The following ADAM32 variants were observed in gnomAD, a reference collection of about 807,000 sequenced individuals.
ADAM32 encodes disintegrin and metalloproteinase domain-containing protein 32.
ADAM32 carries 89 observed loss-of-function variants against 114.9 expected under a neutral mutation model. That is an observed-to-expected ratio of 0.77 (90% CI 0.65 to 0.92). ADAM32 has a LOEUF of 0.92. ADAM32 is among the 40% of genes least tolerant of loss of function. ADAM32 has a pLI of 0.00. For missense variants in ADAM32, 870 were observed against 932.8 expected (o/e 0.93, Z 0.88); for synonymous variants, 285 against 307.5 (o/e 0.93, Z 0.77).
chr8:39,220,964 TC>T (rs141055306), intron 12 of ADAM32: 13,037 of 148,570 alleles, frequency 0.088, 1,828 homozygotes, highest in African/African-American at 0.29. Context: ...GTTGATTTTT[TC>T]TTTTTTGGTC....
At chr8:39,281,573 C>T (rs867886651) in intron 23 of ADAM32, among the ~76,000 whole-genome samples, 21 of 152,128 alleles carry the variant, frequency 1.4e-4, no homozygotes, top group African/African-American at 4.8e-4. Flanking sequence ...AACAACTGAG[C>T]GAATGATTAT....
intron 10 of ADAM32, among the ~76,000 whole-genome samples, chr8:39,181,167 C>T (rs972345726): frequency 1.3e-5 from 2 of 152,208 alleles, no homozygotes; most frequent in African/African-American, 4.8e-5. Flanking sequence ...TTTGTTCTTT[C>T]ACTCTTTGCA....
intron 19 of ADAM32, among the ~76,000 whole-genome samples, chr8:39,265,509 G>C (rs1005450467): frequency 1.3e-5 from 2 of 152,102 alleles, no homozygotes; most frequent in Non-Finnish European, 2.9e-5. Context: ...CGTTAATATT[G>C]TTATGTGCAG....
At chr8:39,227,942 C>T (rs1294983602) in intron 14 of ADAM32, among the ~76,000 whole-genome samples, 1 of 152,178 alleles carries the variant, frequency 6.6e-6, no homozygotes, top group Admixed American at 6.5e-5. Context: ...CCTCCGCTGC[C>T]TCCACCAGAA....
intron 5 of ADAM32, 93 bp downstream of exon 5, chr8:39,149,960 G>A (rs1229400022): frequency 1.0e-6 from 1 of 953,952 alleles, no homozygotes; most frequent in African/African-American, 1.7e-5. Flanking sequence ...GGTTGAAGGA[G>A]CTTTCCTATG....
intron 11 of ADAM32, among the ~76,000 whole-genome samples, chr8:39,206,489 A>G (rs987719202): frequency 1.3e-5 from 2 of 152,176 alleles, no homozygotes; most frequent in South Asian, 2.1e-4. Flanking sequence ...CCAGGACAGC[A>G]TGTTATCAGG....
At chr8:39,281,200 A>G (rs1322391969) in intron 23 of ADAM32, 26 bp downstream of exon 23, 1 of 1,289,060 alleles carries the variant, frequency 7.8e-7, no homozygotes, top group Non-Finnish European at 1.0e-6. Context: ...AGTGTTACTT[A>G]TAAATAAGTA....
intron 11 of ADAM32, among the ~76,000 whole-genome samples, chr8:39,197,705 AT>A (rs1441873546): frequency 2.6e-5 from 4 of 152,172 alleles, no homozygotes; most frequent in African/African-American, 7.2e-5. Flanking sequence ...GTGTTTTAAA[AT>A]TAATTGAGAC....
chr8:39,253,661 CA>C (rs1302392492), intron 17 of ADAM32, among the ~76,000 whole-genome samples: 1 of 151,378 alleles, frequency 6.6e-6, no homozygotes, highest in African/African-American at 2.4e-5. Context: ...TAAACAATCC[CA>C]TTTACAACAG....
intron 10 of ADAM32, among the ~76,000 whole-genome samples, chr8:39,172,650 G>C (rs1470056235): frequency 1.3e-5 from 2 of 152,130 alleles, no homozygotes; most frequent in Non-Finnish European, 2.9e-5. Context: ...TCCCTGCAAA[G>C]TCTTTCCTTT....
intron 12 of ADAM32, among the ~76,000 whole-genome samples, chr8:39,217,119 T>TA (rs1202935538): frequency 1.9e-3 from 237 of 124,040 alleles, no homozygotes; most frequent in Middle Eastern, 0.015. Context: ...ATATATATAT[T>TA]TTTTTACCAG....
chr8:39,238,779 C>T (rs955943114), intron 16 of ADAM32, among the ~76,000 whole-genome samples: 1 of 151,948 alleles, frequency 6.6e-6, no homozygotes, highest in East Asian at 1.9e-4. Flanking sequence ...ATGCAAAATA[C>T]ACTGGAAAGT....
At chr8:39,192,084 AG>A (rs1806650662) in intron 11 of ADAM32, among the ~76,000 whole-genome samples, 1 of 152,294 alleles carries the variant, frequency 6.6e-6, no homozygotes, top group African/African-American at 2.4e-5. Context: ...TGGTCCGTTC[AG>A]GGATTTAATT....
At chr8:39,179,831 G>T (rs1805740701) in intron 10 of ADAM32, among the ~76,000 whole-genome samples, 1 of 152,196 alleles carries the variant, frequency 6.6e-6, no homozygotes, top group African/African-American at 2.4e-5. Flanking sequence ...GAATTTGCTT[G>T]CCGTTTTCAT....
chr8:39,137,152 A>G (rs1802854012), intron 3 of ADAM32, among the ~76,000 whole-genome samples: 1 of 152,252 alleles, frequency 6.6e-6, no homozygotes, highest in East Asian at 1.9e-4. Context: ...AGTCCTAGCT[A>G]TATGCCACTC....
chr8:39,165,010 T>C lies in ADAM32; in HGVS notation c.667-20T>C, dbSNP rs766389395. The C allele has an allele frequency of 6.4e-7, 1 of 1,571,376 alleles. No homozygotes were observed. The highest frequency in any genetic ancestry group is 8.6e-7 in the Non-Finnish European group (1 of 1,157,498). ...AACATAAATATTAATTATGCATGTA[T>C]TTATCTCTTCTGTTTTTAGATGTTC... On this transcript the variant is annotated intron_variant, in intron 8 of 24. Coordinates refer to ENST00000379907, the MANE Select transcript of ADAM32 (RefSeq NM_145004.7).
In ADAM32 at chr8:39,274,292, T is replaced by C; in HGVS notation, c.2202-20T>C. On this transcript the variant is annotated intron_variant, in intron 20 of 24. Coordinates refer to ENST00000379907, the MANE Select transcript of ADAM32 (RefSeq NM_145004.7). ...TTTTCTTAGTACTAACTTGAGACATTGCTTTCAATTTTTTTTTAGATCCAG... is the reference window on the plus strand; with the variant it reads ...TTTTCTTAGTACTAACTTGAGACATCGCTTTCAATTTTTTTTTAGATCCAG... 2 of 1,613,110 alleles carry C rather than the reference T, an allele frequency of 1.2e-6. No homozygotes were observed. Among genetic ancestry groups the C allele is most frequent in the Middle Eastern group, 3.3e-4 (2 of 6,056 alleles).
In ADAM32 at chr8:39,216,947, T is replaced by C. The variant is rs1335940507; in HGVS notation, c.1234-4663T>C. Among the ~76,000 whole-genome samples the C allele has an allele frequency of 2.6e-5, 4 of 152,126 alleles. No homozygotes were observed. In the East Asian group the frequency reaches 7.7e-4, roughly 29 times the overall value. ...TGTAGGTACTCTTACCAGTGAGTTTTGTACCTTCAGATGATTTATTATCAC... is the reference window on the plus strand; with the variant it reads ...TGTAGGTACTCTTACCAGTGAGTTTCGTACCTTCAGATGATTTATTATCAC... On this transcript the variant is annotated intron_variant, in intron 12 of 24. Transcript: ENST00000379907.
chr8:39,224,798 T>A (rs1240859652), intron 14 of ADAM32, among the ~76,000 whole-genome samples: 1 of 152,224 alleles, frequency 6.6e-6, no homozygotes, highest in Non-Finnish European at 1.5e-5. Context: ...AGAAAACTAT[T>A]TATGAAGGAT....
Sources: allele counts gnomAD v4.1 joint callset (sites outside exome capture counted in the v4.1 genomes callset), GRCh38; gene constraint gnomAD v4.1.1; transcripts MANE v1.5; gene names NCBI Gene and HGNC (gene_info 2026-07-23, HGNC 2026-07-21).